Variants in PARVA observed in about 807,000 individuals in gnomAD.
PARVA encodes parvin alpha, also known as alpha-parvin.
Under a neutral mutation model 52.6 loss-of-function variants are expected in PARVA, and 25 were observed. The ratio of observed to expected loss-of-function variants is 0.48; its 90% CI spans 0.35 to 0.66. The LOEUF is 0.66. PARVA is among the 30% of genes least tolerant of loss of function. The pLI is 0.01. For synonymous variants in PARVA, 185 were observed against 179.1 expected (o/e 1.03, Z -0.26); for missense variants, 373 against 450.9 (o/e 0.83, Z 1.56).
At chr11:12,509,677 A>G (rs1034610566) in intron 7 of PARVA, among the ~76,000 whole-genome samples, 2 of 152,190 alleles carry the variant, frequency 1.3e-5, no homozygotes, top group African/African-American at 4.8e-5. Context: ...CCAGAGATGT[A>G]AAGTGGCCTT....
intron 1 of PARVA, among the ~76,000 whole-genome samples, chr11:12,449,970 A>G (rs966963548): frequency 8.5e-5 from 13 of 152,260 alleles, no homozygotes; most frequent in African/African-American, 3.1e-4. Flanking sequence ...TTGATCAGAT[A>G]GATTCTTACC....
At chr11:12,377,415 G>C (rs1366916495), upstream of PARVA, 2 of 1,369,534 alleles carry the variant, frequency 1.5e-6, no homozygotes, top group African/African-American at 1.5e-5. Context: ...GGGCAACCCA[G>C]GGGCGCAAGG....
intron 1 of PARVA, among the ~76,000 whole-genome samples, chr11:12,381,840 G>A (rs1939491746): frequency 6.6e-6 from 1 of 152,152 alleles, no homozygotes. Context: ...TCAACCTATG[G>A]TACACATCAA....
chr11:12,522,421 C>CTTTTTTTTTTT (rs66494894), intron 12 of PARVA, among the ~76,000 whole-genome samples: 1 of 134,628 alleles, frequency 7.4e-6, no homozygotes, highest in Non-Finnish European at 1.5e-5. Context: ...GAGCTTTATT[C>CTTTTTTTTTTT]TTTTTTTTTT....
intron 5 of PARVA, among the ~76,000 whole-genome samples, chr11:12,497,851 T>C (rs1047534340): frequency 2.6e-5 from 4 of 152,080 alleles, no homozygotes; most frequent in African/African-American, 9.7e-5. Flanking sequence ...TCCACAATAG[T>C]CATAAACATT....
chr11:12,510,200 CTG>C (rs1941488216), intron 7 of PARVA, among the ~76,000 whole-genome samples: 1 of 152,188 alleles, frequency 6.6e-6, no homozygotes. Context: ...AGGAAGGAGA[CTG>C]TGCCCTTGGT....
intron 1 of PARVA, among the ~76,000 whole-genome samples, chr11:12,410,072 C>T (rs767746233): frequency 1.5e-4 from 23 of 152,130 alleles, no homozygotes; most frequent in Non-Finnish European, 3.2e-4. Flanking sequence ...CACATAGTAG[C>T]CTCTCAAGTA....
chr11:12,384,969 C>G (rs1939550799), intron 1 of PARVA, among the ~76,000 whole-genome samples: 1 of 152,102 alleles, frequency 6.6e-6, no homozygotes, highest in Non-Finnish European at 1.5e-5. Context: ...ACTGATGGTG[C>G]TAAAACACCA....
At chr11:12,476,763 C>T (rs1027582349) in intron 3 of PARVA, among the ~76,000 whole-genome samples, 7 of 152,300 alleles carry the variant, frequency 4.6e-5, no homozygotes, top group African/African-American at 1.7e-4. Context: ...ATTACAGTTG[C>T]CATCCTCTTG....
At chr11:12,410,850 T>A (rs1939983235) in intron 1 of PARVA, among the ~76,000 whole-genome samples, 1 of 152,230 alleles carries the variant, frequency 6.6e-6, no homozygotes, top group Admixed American at 6.5e-5. Context: ...GGAATGTTCA[T>A]CATTAAGCAT....
At chr11:12,423,454 G>C (rs926824811) in intron 1 of PARVA, among the ~76,000 whole-genome samples, 9 of 149,644 alleles carry the variant, frequency 6.0e-5, no homozygotes, top group African/African-American at 2.2e-4. Context: ...GCCTTCCAAA[G>C]TGCAAAGAGA....
intron 1 of PARVA, among the ~76,000 whole-genome samples, chr11:12,470,095 T>TGTGCGCACAC (rs2135032395): frequency 6.6e-6 from 1 of 152,368 alleles, no homozygotes; most frequent in East Asian, 1.9e-4. Context: ...CGTACGCACA[T>TGTGCGCACAC]GTGCGCACAC....
chr11:12,476,911 C>T (rs1941021497), intron 3 of PARVA, among the ~76,000 whole-genome samples: 1 of 152,144 alleles, frequency 6.6e-6, no homozygotes, highest in South Asian at 2.1e-4. Context: ...AGGACGATGT[C>T]CACTTATAAG....
At chr11:12,468,855 C>T (rs1402903566) in intron 1 of PARVA, among the ~76,000 whole-genome samples, 2 of 152,262 alleles carry the variant, frequency 1.3e-5, no homozygotes, top group Admixed American at 1.3e-4. Context: ...CTTCCTTGGG[C>T]CTTTCTTTAG....
chr11:12,419,657 G>A (rs771232182), intron 1 of PARVA, among the ~76,000 whole-genome samples: 11 of 152,248 alleles, frequency 7.2e-5, no homozygotes, highest in Non-Finnish European at 1.6e-4. Context: ...GATCTTACAG[G>A]TAATTCTATG....
At chr11:12,457,849 C>T (rs984635096) in intron 1 of PARVA, among the ~76,000 whole-genome samples, 2 of 152,096 alleles carry the variant, frequency 1.3e-5, no homozygotes, top group African/African-American at 2.4e-5. Flanking sequence ...AGAGATCTGT[C>T]CACAAAAGGG....
intron 1 of PARVA, among the ~76,000 whole-genome samples, chr11:12,440,514 G>A (rs1392005987): frequency 6.6e-6 from 1 of 152,220 alleles, no homozygotes; most frequent in Non-Finnish European, 1.5e-5. Flanking sequence ...AACAATCCAT[G>A]TATTATATCC....
chr11:12,410,500 G>A (rs1291370728), intron 1 of PARVA, among the ~76,000 whole-genome samples: 1 of 152,230 alleles, frequency 6.6e-6, no homozygotes, highest in Admixed American at 6.5e-5. Flanking sequence ...CCTGTGGTTT[G>A]ATTGGTTGGG....
At position 12,490,215 on chromosome 11, in the gene PARVA, C is replaced by CA. The variant is rs34941352; in HGVS notation, c.401-6226dup. Among the ~76,000 whole-genome samples, 967 of 107,658 alleles carry CA rather than the reference C, an allele frequency of 9.0e-3. 16 individuals carry two copies. Among genetic ancestry groups the CA allele is most frequent in the African/African-American group, 0.036 (877 of 24,664 alleles). The allele number at this position is 107,658 out of a possible 152,430, so 70.6% of individuals were successfully genotyped here. ...TGGGTGACAGAGTGAGACTCAGTCT[C>CA]AAAAAAAAAAAAAAAAAGTTAGGAG... On this transcript the variant is annotated intron_variant, in intron 4 of 12. Transcript: ENST00000334956.
Sources: allele counts gnomAD v4.1 joint callset (sites outside exome capture counted in the v4.1 genomes callset), GRCh38; gene constraint gnomAD v4.1.1; transcripts MANE v1.5; gene names NCBI Gene and HGNC (gene_info 2026-07-23, HGNC 2026-07-21).